Variants in TAX1BP1 observed in about 807,000 individuals in gnomAD.
The protein encoded by TAX1BP1 is tax1-binding protein 1.
Under a neutral mutation model 97.7 loss-of-function variants are expected in TAX1BP1, and 62 were observed. The ratio of observed to expected loss-of-function variants is 0.63; its 90% CI spans 0.52 to 0.78. TAX1BP1 has a LOEUF of 0.78. Among genes scored for constraint, TAX1BP1 ranks in the 30% least tolerant of loss-of-function variants. TAX1BP1 has a pLI of 0.00. For missense variants in TAX1BP1, 867 were observed against 916.1 expected, an observed-to-expected ratio of 0.95 and a Z score of 0.69; for synonymous variants, 340 against 304.2, an observed-to-expected ratio of 1.12 and a Z score of -1.23.
In TAX1BP1 at chr7:27,778,708, C is replaced by A. The variant is rs60580382; in HGVS notation, c.613-6455C>A. Among the ~76,000 whole-genome samples the A allele has an allele frequency of 6.3e-3, 961 of 151,994 alleles. 12 individuals are homozygous for A. The highest frequency in any genetic ancestry group is 0.022 in the African/African-American group (925 of 41,424). On this transcript the variant is annotated intron_variant, in intron 5 of 16. Coordinates refer to ENST00000396319, the MANE Select transcript of TAX1BP1 (RefSeq NM_006024.7). ...TGAAACCTCGTCTCTACTAAAAATA[C>A]AAAAATTAGCTGAGTGTGGTGGCAC...
chr7:27,824,816 TAATA>T (rs1791111791), intron 15 of TAX1BP1, among the ~76,000 whole-genome samples: 1 of 152,118 alleles, frequency 6.6e-6, no homozygotes, highest in African/African-American at 2.4e-5. Context: ...AAAGTAATAT[TAATA>T]AAAGTTTTCT....
intron 1 of TAX1BP1, among the ~76,000 whole-genome samples, chr7:27,740,870 C>A (rs1390512079): frequency 6.6e-6 from 1 of 152,196 alleles, no homozygotes; most frequent in Non-Finnish European, 1.5e-5. Flanking sequence ...GCCTGCTTCA[C>A]CTGGAATCCA....
chr7:27,780,606 G>A (rs1789215528), intron 5 of TAX1BP1, among the ~76,000 whole-genome samples: 1 of 152,072 alleles, frequency 6.6e-6, no homozygotes. Flanking sequence ...ACATGGAATT[G>A]CCAAAAACCA....
chr7:27,765,128 G>A (rs933178535), intron 3 of TAX1BP1, among the ~76,000 whole-genome samples: 2 of 145,260 alleles, frequency 1.4e-5, no homozygotes, highest in Admixed American at 6.9e-5. Flanking sequence ...CGATCCTCCC[G>A]CTTCAGCCTC....
At chr7:27,827,652 AT>A (rs1791230022) in intron 15 of TAX1BP1, 85 bp from the exon 16 acceptor site, 2 of 1,033,162 alleles carry the variant, frequency 1.9e-6, no homozygotes, top group East Asian at 4.8e-5. Context: ...ATCTTCTTTT[AT>A]ACTGTCAGTA....
At chr7:27,788,115 G>A (rs1415317632) in intron 8 of TAX1BP1, among the ~76,000 whole-genome samples, 1 of 151,854 alleles carries the variant, frequency 6.6e-6, no homozygotes, top group South Asian at 2.1e-4. Flanking sequence ...TTATGACATT[G>A]ATATTTTTGG....
chr7:27,775,278 G>C (rs532018040), intron 5 of TAX1BP1, among the ~76,000 whole-genome samples: 161 of 152,268 alleles, frequency 1.1e-3, no homozygotes, highest in African/African-American at 3.7e-3. Flanking sequence ...TAATGTCTTT[G>C]TGGATATTAG....
At chr7:27,742,447 G>A (rs1787655745) in intron 1 of TAX1BP1, among the ~76,000 whole-genome samples, 2 of 152,286 alleles carry the variant, frequency 1.3e-5, no homozygotes, top group Admixed American at 6.5e-5. Context: ...CCGTTTAACC[G>A]TGAGTTTGAC....
chr7:27,767,001 G>A (rs1267878592), intron 4 of TAX1BP1, among the ~76,000 whole-genome samples: 5 of 152,104 alleles, frequency 3.3e-5, no homozygotes, highest in Non-Finnish European at 7.4e-5. Context: ...CATGATCATG[G>A]CTTTAATATA....
chr7:27,821,814 C>T (rs1790988972), intron 15 of TAX1BP1, among the ~76,000 whole-genome samples: 1 of 152,130 alleles, frequency 6.6e-6, no homozygotes, highest in Admixed American at 6.6e-5. Context: ...ACCCTGTAGC[C>T]TGTAGCGGTT....
chr7:27,794,198 C>A, intron 10 of TAX1BP1, 125 bp from the exon 11 acceptor site: 2 of 786,612 alleles, frequency 2.5e-6, no homozygotes, highest in Non-Finnish European at 3.7e-6. Context: ...AAAACAAGAG[C>A]AGCTTTGTGG....
At chr7:27,771,746 G>A (rs189336951) in intron 5 of TAX1BP1, among the ~76,000 whole-genome samples, 1 of 152,108 alleles carries the variant, frequency 6.6e-6, no homozygotes, top group East Asian at 1.9e-4. Flanking sequence ...GGAGGAGACT[G>A]CTTCTCTGCT....
chr7:27,810,967 C>CATTTT (rs1790537847), intron 13 of TAX1BP1, among the ~76,000 whole-genome samples: 1 of 151,954 alleles, frequency 6.6e-6, no homozygotes. Context: ...ACAGTGTTTC[C>CATTTT]ATTTTGATAC....
chr7:27,806,029 C>T (rs2128321890), intron 13 of TAX1BP1, among the ~76,000 whole-genome samples: 1 of 151,846 alleles, frequency 6.6e-6, no homozygotes, highest in East Asian at 1.9e-4. Context: ...AAAGCATTCC[C>T]TACACCCAGG....
intron 2 of TAX1BP1, among the ~76,000 whole-genome samples, chr7:27,754,819 G>C (rs762106439): frequency 3.6e-4 from 55 of 151,954 alleles, no homozygotes; most frequent in Non-Finnish European, 7.2e-4. Flanking sequence ...TCCTGACCTC[G>C]TGATCCCCCC....
chr7:27,779,584 TA>T (rs1399124837), intron 5 of TAX1BP1, among the ~76,000 whole-genome samples: 3 of 152,246 alleles, frequency 2.0e-5, no homozygotes, highest in Non-Finnish European at 2.9e-5. Flanking sequence ...ATAGCCAATT[TA>T]ATTTTTTGTC....
At chr7:27,818,820 A>G (rs1790871902) in intron 15 of TAX1BP1, among the ~76,000 whole-genome samples, 1 of 152,242 alleles carries the variant, frequency 6.6e-6, no homozygotes, top group Non-Finnish European at 1.5e-5. Flanking sequence ...TACTGTTACA[A>G]CTTTATAGTG....
At chr7:27,797,174 T>G (rs1462604087) in intron 12 of TAX1BP1, among the ~76,000 whole-genome samples, 1 of 151,892 alleles carries the variant, frequency 6.6e-6, no homozygotes, top group South Asian at 2.1e-4. Flanking sequence ...ATTTTTTGTA[T>G]TTTTAGTAGA....
chr7:27,819,327 ATAAG>A (rs1489849637), intron 15 of TAX1BP1, among the ~76,000 whole-genome samples: 1 of 152,152 alleles, frequency 6.6e-6, no homozygotes, highest in African/African-American at 2.4e-5. Context: ...TCATTCCTAA[ATAAG>A]TAGTTACTAA....
Sources: allele counts gnomAD v4.1 joint callset (sites outside exome capture counted in the v4.1 genomes callset), GRCh38; gene constraint gnomAD v4.1.1; transcripts MANE v1.5; gene names NCBI Gene and HGNC (gene_info 2026-07-23, HGNC 2026-07-21).